The following ARHGEF4 variants were observed in gnomAD, a reference collection of about 807,000 sequenced individuals.
ARHGEF4 encodes the protein Rho guanine nucleotide exchange factor 4.
In ARHGEF4, 119 loss-of-function variants were observed where a neutral mutation model predicts 162.0. That is an observed-to-expected ratio of 0.73 (90% confidence interval 0.63 to 0.86). The LOEUF (loss-of-function observed/expected upper bound fraction) is 0.86, where lower values mean the gene tolerates loss of function less well. ARHGEF4 is among the 40% of genes least tolerant of loss of function. ARHGEF4 has a pLI of 0.00. For synonymous variants in ARHGEF4, 1,014 were observed against 979.9 expected, an observed-to-expected ratio of 1.03 and a Z score of -0.65; for missense variants, 2,488 against 2,456.0, an observed-to-expected ratio of 1.01 and a Z score of -0.28.
At chr2:130,912,908 A>G (rs1323867680) in intron 1 of ARHGEF4, among the ~76,000 whole-genome samples, 1 of 152,162 alleles carries the variant, frequency 6.6e-6, no homozygotes, top group Non-Finnish European at 1.5e-5. Flanking sequence ...TTTGAGAGAG[A>G]GAGAGACCAC....
At chr2:131,000,292 T>C (rs1289721424) in intron 4 of ARHGEF4, among the ~76,000 whole-genome samples, 2 of 152,186 alleles carry the variant, frequency 1.3e-5, no homozygotes, top group African/African-American at 4.8e-5. Context: ...TAAACCCCTA[T>C]TTAAGTATGA....
intron 1 of ARHGEF4, among the ~76,000 whole-genome samples, chr2:130,863,053 C>A (rs1323280005): frequency 1.7e-4 from 2 of 11,482 alleles, no homozygotes; most frequent in Non-Finnish European, 1.2e-4. Flanking sequence ...AGCAAGACTC[C>A]AACTCAAAAA....
chr2:130,848,978 A>T, intron 1 of ARHGEF4, among the ~76,000 whole-genome samples: 1 of 152,106 alleles, frequency 6.6e-6, no homozygotes, highest in Admixed American at 6.5e-5. Context: ...CATCCCAGCC[A>T]TGCTAGTTGG....
chr2:130,864,523 A>G (rs1682127533), intron 1 of ARHGEF4, among the ~76,000 whole-genome samples: 2 of 152,196 alleles, frequency 1.3e-5, no homozygotes. Context: ...TCAGGAGTTC[A>G]AGACCAACCT....
chr2:130,968,301 C>T (rs1034381326), intron 4 of ARHGEF4, among the ~76,000 whole-genome samples: 1 of 152,160 alleles, frequency 6.6e-6, no homozygotes, highest in Non-Finnish European at 1.5e-5. Flanking sequence ...GATGAGGAAG[C>T]TTAAAGTAGG....
At chr2:130,976,061 GT>G (rs1685681565) in intron 4 of ARHGEF4, among the ~76,000 whole-genome samples, 1 of 152,112 alleles carries the variant, frequency 6.6e-6, no homozygotes, top group South Asian at 2.1e-4. Flanking sequence ...TCCGAATCCC[GT>G]GTTTACTCTG....
At chr2:131,000,925 G>A (rs958929731) in intron 4 of ARHGEF4, among the ~76,000 whole-genome samples, 5 of 152,060 alleles carry the variant, frequency 3.3e-5, no homozygotes, top group African/African-American at 9.7e-5. Context: ...GAGTAGTGGC[G>A]GACTTAGTAG....
chr2:130,922,056 G>A (rs13009881), intron 2 of ARHGEF4, among the ~76,000 whole-genome samples: 87,337 of 151,592 alleles, frequency 0.58, 29,509 homozygotes, highest in East Asian at 0.84. Flanking sequence ...TAATCAAAAA[G>A]GTCAGAATCT....
intron 6 of ARHGEF4, 139 bp downstream of exon 6, chr2:131,039,171 A>G (rs947860837): frequency 7.9e-7 from 1 of 1,264,666 alleles, no homozygotes; most frequent in Non-Finnish European, 1.1e-6. Flanking sequence ...GCAGTGTCAC[A>G]GCCTTCCTCC....
chr2:130,948,427 T>C (rs1397431268), intron 4 of ARHGEF4, among the ~76,000 whole-genome samples: 2 of 152,222 alleles, frequency 1.3e-5, no homozygotes, highest in African/African-American at 4.8e-5. Context: ...CTTCATTAAG[T>C]CATAGAGTTA....
chr2:130,842,366 T>G (rs1033734509), intron 1 of ARHGEF4, among the ~76,000 whole-genome samples: 5 of 152,174 alleles, frequency 3.3e-5, no homozygotes, highest in Non-Finnish European at 7.4e-5. Context: ...GTCTGCAGAT[T>G]GGTGGAGTCA....
intron 3 of ARHGEF4, among the ~76,000 whole-genome samples, chr2:130,942,152 C>CTTT (rs36087462): frequency 2.3e-5 from 3 of 129,858 alleles, no homozygotes; most frequent in African/African-American, 2.9e-5. Flanking sequence ...TTTCTTTTTT[C>CTTT]TTTTTTTTTT....
At chr2:130,928,097 C>G (rs1203852202) in intron 2 of ARHGEF4, among the ~76,000 whole-genome samples, 2 of 152,036 alleles carry the variant, frequency 1.3e-5, no homozygotes, top group African/African-American at 4.8e-5. Context: ...AAATGCCTAG[C>G]AATCTTTGGG....
chr2:130,931,191 G>C lies in ARHGEF4; in HGVS notation c.3792G>C (p.Lys1264Asn). The change falls in exon 3 of 14, where the codon AAG (lysine) becomes AAC (asparagine). Residue 1264 changes from lysine (K) to asparagine (N), a missense_variant. Coordinates refer to ENST00000409359, the MANE Select transcript of ARHGEF4 (RefSeq NM_001367493.1). The part of the protein sequence containing the change: ...DLWLEKTQRK[K>N]LQKQAHVERR... ...GGCTGGAGAAGACACAGAGAAAGAA[G>C]TTGCAGAAGCAGGCCCACGTCGAAA... 6.2e-7 allele frequency: 1 copy of C among 1,614,068 alleles called. No homozygotes were observed. The highest frequency in any genetic ancestry group is 8.5e-7 in the Non-Finnish European group (1 of 1,179,950).
rs1690817110 is a variant in ARHGEF4 at position 131,041,635 on chromosome 2, T to C, written c.4895+173T>C. On this transcript the variant is annotated intron_variant, in intron 9 of 13. Coordinates refer to ENST00000409359, the MANE Select transcript of ARHGEF4 (RefSeq NM_001367493.1). ...GGGGAAGAGGATGCCAACAGGATAT[T>C]AAGCTCTGCTCTGTGCTTGCCATTT... 18 of 1,119,024 alleles carry C rather than the reference T, an allele frequency of 1.6e-5. No homozygotes were observed. In the South Asian group the frequency reaches 2.7e-4, roughly 17 times the overall value. 69.3% of individuals were successfully genotyped at this position (1,119,024 alleles called of 1,614,324 possible).
intron 1 of ARHGEF4, among the ~76,000 whole-genome samples, chr2:130,879,334 CAT>C (rs1244078294): frequency 2.6e-5 from 4 of 151,996 alleles, no homozygotes; most frequent in Non-Finnish European, 5.9e-5. Context: ...AGATAAAAAT[CAT>C]ATATATTTAT....
At chr2:131,027,252 A>G (rs1452886513) in intron 4 of ARHGEF4, among the ~76,000 whole-genome samples, 1 of 152,254 alleles carries the variant, frequency 6.6e-6, no homozygotes, top group Non-Finnish European at 1.5e-5. Flanking sequence ...CTACACACAC[A>G]GTTGAGTGAA....
chr2:131,018,878 C>T (rs190305078), intron 4 of ARHGEF4, among the ~76,000 whole-genome samples: 332 of 152,282 alleles, frequency 2.2e-3, no homozygotes, highest in African/African-American at 7.7e-3. Flanking sequence ...GCACCTTTGT[C>T]GAAAATCAAT....
chr2:130,922,805 T>C (rs1170447511), intron 2 of ARHGEF4, among the ~76,000 whole-genome samples: 1 of 151,960 alleles, frequency 6.6e-6, no homozygotes, highest in East Asian at 1.9e-4. Flanking sequence ...TCTCCTAGTC[T>C]GTCATCCATT....
Sources: gnomAD v4.1 joint callset for allele counts (sites outside exome capture counted in the v4.1 genomes callset) on GRCh38, gnomAD v4.1.1 for gene constraint, MANE v1.5 for transcripts, NCBI Gene and HGNC (gene_info 2026-07-23, HGNC 2026-07-21) for gene names.